Variants in ATRNL1 observed in about 807,000 individuals in gnomAD.
The protein encoded by ATRNL1 is attractin like 1, also known as attractin-like protein 1.
ATRNL1 carries 95 observed loss-of-function variants against 182.7 expected under a neutral mutation model. The observed-to-expected ratio is 0.52, with a 90% CI of 0.44 to 0.62. The LOEUF (loss-of-function observed/expected upper bound fraction) is 0.62, where lower values mean the gene tolerates loss of function less well. Ranked by LOEUF, ATRNL1 falls within the 20% of genes least tolerant of loss-of-function variation. The pLI is 0.00. For synonymous variants in ATRNL1, 576 were observed against 568.3 expected, an observed-to-expected ratio of 1.01 and a Z score of -0.19; for missense variants, 1,471 against 1,679.5, an observed-to-expected ratio of 0.88 and a Z score of 2.17.
At chr10:115,107,540 C>A (rs1844067898) in intron 1 of ATRNL1, among the ~76,000 whole-genome samples, 1 of 152,186 alleles carries the variant, frequency 6.6e-6, no homozygotes, top group African/African-American at 2.4e-5. Flanking sequence ...GTTGGAGGCT[C>A]ATGCCTGCCG....
rs781928104 is a variant in ATRNL1 at position 115,469,273 on chromosome 10, C to A, written c.3598C>A (p.Pro1200Thr). The part of the protein sequence containing the change: ...SYEKFNFRSN[P>T]NITFYVYVSN... ...TGAAAAATTTAACTTTAGAAGCAAT[C>A]CTAACATTACATTCTATGTGTACGT... The change falls in exon 24 of 29, where the codon CCT (proline) becomes ACT (threonine). Residue 1200 changes from proline to threonine, a missense_variant. By Grantham distance (38) the Pro-to-Thr change is conservative. Transcript: ENST00000355044. 21 of 1,533,764 alleles carry A rather than the reference C, an allele frequency of 1.4e-5. No individual in the cohort carries two copies. The highest frequency in any genetic ancestry group is 1.5e-5 in the Non-Finnish European group (17 of 1,141,562).
chr10:115,701,388 C>G (rs1474634543), intron 26 of ATRNL1, among the ~76,000 whole-genome samples: 2 of 151,806 alleles, frequency 1.3e-5, no homozygotes, highest in African/African-American at 4.8e-5. Context: ...AACATCACAG[C>G]TAGAGGAACT....
intron 26 of ATRNL1, among the ~76,000 whole-genome samples, chr10:115,568,243 G>T (rs1212710941): frequency 6.6e-6 from 1 of 151,994 alleles, no homozygotes; most frequent in Non-Finnish European, 1.5e-5. Context: ...AAAAAGAGAA[G>T]TCCTTACTCA....
chr10:115,933,180 C>G lies in ATRNL1; in HGVS notation c.4019-11478C>G, dbSNP rs139644722. Among the ~76,000 whole-genome samples, 114 of 152,336 alleles carry G rather than the reference C, an allele frequency of 7.5e-4. No individual in the cohort carries two copies. In the Middle Eastern group the frequency reaches 0.01, roughly 14 times the overall value. On this transcript the variant is annotated intron_variant, in intron 28 of 28. Transcript: ENST00000355044. ...AAAACAAACAAACAACCAGGCTGTT[C>G]AGAGATTGCTAGACACAAGATCAAG...
chr10:115,517,503 C>G (rs1266803069), intron 24 of ATRNL1, among the ~76,000 whole-genome samples: 2 of 151,824 alleles, frequency 1.3e-5, no homozygotes. Flanking sequence ...ACCCTGTTGA[C>G]ATTTACTGCA....
At chr10:115,354,440 A>G (rs141014869) in intron 19 of ATRNL1, among the ~76,000 whole-genome samples, 62 of 152,140 alleles carry the variant, frequency 4.1e-4, no homozygotes, top group African/African-American at 1.2e-3. Context: ...TCCATATTGA[A>G]GGATATCTTT....
chr10:115,944,529 A>G (rs1953827186), intron 28 of ATRNL1, 129 bp from the exon 29 acceptor site: 2 of 675,936 alleles, frequency 3.0e-6, no homozygotes, highest in Non-Finnish European at 4.5e-6. Flanking sequence ...ACTACTTGAA[A>G]ACTTCCATTA....
intron 21 of ATRNL1, among the ~76,000 whole-genome samples, chr10:115,439,624 T>C (rs190623454): frequency 2.0e-5 from 3 of 151,204 alleles, no homozygotes; most frequent in African/African-American, 7.4e-5. Flanking sequence ...CTGTGATACA[T>C]ACTTACCTTA....
chr10:115,692,568 A>G (rs1946427077), intron 26 of ATRNL1, among the ~76,000 whole-genome samples: 1 of 151,988 alleles, frequency 6.6e-6, no homozygotes, highest in African/African-American at 2.4e-5. Flanking sequence ...ATCCCTTAAT[A>G]TATCTTTGTA....
At chr10:115,554,696 A>G (rs1565160465) in intron 26 of ATRNL1, among the ~76,000 whole-genome samples, 1 of 151,632 alleles carries the variant, frequency 6.6e-6, no homozygotes, top group East Asian at 1.9e-4. Context: ...GCATAGGGAG[A>G]TAGAATATAT....
chr10:115,289,653 A>C (rs1554920223), intron 15 of ATRNL1, among the ~76,000 whole-genome samples: 1 of 151,928 alleles, frequency 6.6e-6, no homozygotes, highest in Non-Finnish European at 1.5e-5. Context: ...CCTTTCCCCT[A>C]TGCATGTTCT....
chr10:115,704,300 C>T (rs1946831218), intron 26 of ATRNL1, among the ~76,000 whole-genome samples: 1 of 151,746 alleles, frequency 6.6e-6, no homozygotes, highest in Non-Finnish European at 1.5e-5. Flanking sequence ...TGGCATTCTC[C>T]CTATGTCTCT....
chr10:115,382,603 A>C (rs1213352800), intron 19 of ATRNL1, among the ~76,000 whole-genome samples: 1 of 150,898 alleles, frequency 6.6e-6, no homozygotes, highest in Non-Finnish European at 1.5e-5. Flanking sequence ...TTTGTGGATT[A>C]TTTAGGCTAT....
chr10:115,853,257 G>C (rs1439943433), intron 28 of ATRNL1, among the ~76,000 whole-genome samples: 2 of 152,064 alleles, frequency 1.3e-5, no homozygotes, highest in African/African-American at 4.8e-5. Flanking sequence ...TATTATTAGT[G>C]ACTAAAAATA....
intron 17 of ATRNL1, among the ~76,000 whole-genome samples, chr10:115,307,675 A>C (rs1262810957): frequency 1.3e-5 from 2 of 152,190 alleles, no homozygotes; most frequent in Admixed American, 1.3e-4. Flanking sequence ...GCAGTGATCC[A>C]CTGTTTGTGA....
chr10:115,192,835 A>C (rs1848220096), intron 8 of ATRNL1, among the ~76,000 whole-genome samples: 1 of 151,914 alleles, frequency 6.6e-6, no homozygotes, highest in African/African-American at 2.4e-5. Context: ...AGCTATTTTA[A>C]ATGGGATTAC....
At chr10:115,472,470 C>G (rs1360828430) in intron 24 of ATRNL1, among the ~76,000 whole-genome samples, 1 of 151,080 alleles carries the variant, frequency 6.6e-6, no homozygotes, top group African/African-American at 2.4e-5. Flanking sequence ...TTCTTCCAAT[C>G]AATGAACATA....
intron 5 of ATRNL1, among the ~76,000 whole-genome samples, chr10:115,147,368 G>T (rs1172176301): frequency 6.6e-6 from 1 of 151,912 alleles, no homozygotes; most frequent in Non-Finnish European, 1.5e-5. Context: ...TGGATTTTAG[G>T]TCCCTGTCAG....
intron 1 of ATRNL1, among the ~76,000 whole-genome samples, chr10:115,096,100 T>A (rs1308628852): frequency 2.0e-5 from 3 of 152,112 alleles, no homozygotes; most frequent in African/African-American, 7.2e-5. Flanking sequence ...CATTAGTGAG[T>A]AGAAGAAGAA....
Sources: allele counts gnomAD v4.1 joint callset (sites outside exome capture counted in the v4.1 genomes callset), GRCh38; gene constraint gnomAD v4.1.1; transcripts MANE v1.5; gene names NCBI Gene and HGNC (gene_info 2026-07-23, HGNC 2026-07-21).